Variants in SKOR1 observed in about 807,000 individuals in gnomAD.
SKOR1 encodes the protein SKI family transcriptional corepressor 1.
Under a neutral mutation model 72.4 loss-of-function variants are expected in SKOR1, and 38 were observed. That is an observed-to-expected ratio of 0.52 (90% CI 0.40 to 0.69). The LOEUF is 0.69. Among genes scored for constraint, SKOR1 ranks in the 30% least tolerant of loss-of-function variants. The probability of loss-of-function intolerance (pLI) is 0.00; values close to 1 mark genes in which losing one functional copy is unlikely to be tolerated. For missense variants in SKOR1, 1,320 were observed against 1,343.2 expected, an observed-to-expected ratio of 0.98 and a Z score of 0.27; for synonymous variants, 642 against 599.4, an observed-to-expected ratio of 1.07 and a Z score of -1.04.
rs374997595 is a variant in SKOR1, at chr15:67,826,997, C to T, written c.1169C>T (p.Pro390Leu). 79 of 1,595,886 alleles carry T rather than the reference C, an allele frequency of 5.0e-5. No homozygotes were observed. Among genetic ancestry groups the T allele is most frequent in the Non-Finnish European group, 6.5e-5 (77 of 1,178,678 alleles). Reference protein sequence around the residue: ...KGFGLLQKLPPPLFPHPYGFP... With the variant: ...KGFGLLQKLPLPLFPHPYGFP... The stretch of plus-strand genomic sequence containing the variant: ...TTTGGGCTCCTGCAAAAGCTGCCCC[C>T]ACCACTTTTCCCCCATCCTTACGGC... The change falls in exon 2 of 9, where the codon CCA (proline) becomes CTA (leucine). Residue 390 changes from proline (P) to leucine (L), a missense_variant. Coordinates refer to ENST00000380035, the MANE Select transcript of SKOR1 (RefSeq NM_001365915.1).
At position 67,827,804 on chromosome 15, in the gene SKOR1, C is replaced by G; in HGVS notation, c.1976C>G (p.Pro659Arg). 1 of 1,578,136 alleles carries G rather than the reference C, an allele frequency of 6.3e-7. No homozygotes were observed. The highest frequency in any genetic ancestry group is 1.2e-5 in the South Asian group (1 of 86,572). The change falls in exon 2 of 9, where the codon CCC (proline) becomes CGC (arginine). Residue 659 changes from proline to arginine, a missense_variant. Around this residue, in one of 3 missense-constraint regions of SKOR1, gnomAD observed 1,099 missense variants for 1,025.5 expected, o/e 1.07. Transcript: ENST00000380035. ...CCCGACGTGGACACCGCGGACGAGC[C>G]CGAGGTGGACGTGGAATCCAACCGC... ...ASPDVDTADE[P>R]EVDVESNRFP...
At chr15:67,829,527 C>T (rs968613951) in intron 3 of SKOR1, among the ~76,000 whole-genome samples, 1 of 152,266 alleles carries the variant, frequency 6.6e-6, no homozygotes, top group Non-Finnish European at 1.5e-5. Context: ...CGGCGTTAAA[C>T]CCTTAACAAA....
At position 67,833,597 on chromosome 15, in the gene SKOR1, C is replaced by T. The variant is rs894511477; in HGVS notation, c.2804-145C>T. ...TGGTTCTGAATCACCAGCTTTTGTC[C>T]TACCCTCCTGCCTCCTCCTGATCCG... is the stretch of plus-strand genomic sequence containing the variant. On this transcript the variant is annotated intron_variant, in intron 8 of 8. Transcript: ENST00000380035. This position sits in a 1 kb window ranked among gnomAD's most constrained non-coding sequence, Gnocchi z 6.0. 1.2e-5 allele frequency: 10 copies of T among 838,826 alleles called. No homozygotes were observed. In the Admixed American group the frequency reaches 1.5e-4, roughly 13 times the overall value. 52.0% of individuals were successfully genotyped at this position (838,826 alleles called of 1,614,324 possible). A position where few individuals can be genotyped will look rare whatever the true frequency, so the allele number is the denominator to read the frequency against.
At position 67,832,201 on chromosome 15, in the gene SKOR1, C is replaced by A; in HGVS notation, c.2588-73C>A. On this transcript the variant is annotated intron_variant, in intron 5 of 8. Transcript: ENST00000380035. The surrounding 1 kb of genome is among the most constrained non-coding windows in gnomAD (Gnocchi z 4.5). ...TCAACTCTCCTTTCAGGGTTGTTGG[C>A]CAAGGCAGAACCTGAGCTCCAAATA... The A allele has an allele frequency of 1.4e-6, 2 of 1,454,232 alleles. No homozygotes were observed. Among genetic ancestry groups the A allele is most frequent in the Non-Finnish European group, 9.6e-7 (1 of 1,039,076 alleles). 90.1% of individuals were successfully genotyped at this position (1,454,232 alleles called of 1,614,324 possible).
At position 67,830,288 on chromosome 15, in the gene SKOR1, TACAG is replaced by T; in HGVS notation, c.2511_2514del (p.Asp837GlufsTer57). ...GTATCTCCCAGCCAAGTCCTGCAAATACAGACAGAGGTGAGCCAGCCCTTGAACC... is the reference window on the plus strand; with the variant it reads ...GTATCTCCCAGCCAAGTCCTGCAAATACAGAGGTGAGCCAGCCCTTGAACC... On this transcript the variant is annotated frameshift_variant, in exon 4 of 9. Coordinates refer to ENST00000380035, the MANE Select transcript of SKOR1 (RefSeq NM_001365915.1). LOFTEE classifies it high-confidence loss of function. 1 of 1,614,022 alleles carries T rather than the reference TACAG, an allele frequency of 6.2e-7. No individual in the cohort carries two copies. The highest frequency in any genetic ancestry group is 8.5e-7 in the Non-Finnish European group (1 of 1,179,958).
In SKOR1 at chr15:67,832,163, C is replaced by T. The variant is rs2091013359; in HGVS notation, c.2588-111C>T. On this transcript the variant is annotated intron_variant, in intron 5 of 8. Coordinates refer to ENST00000380035, the MANE Select transcript of SKOR1 (RefSeq NM_001365915.1). The surrounding 1 kb of genome is among the most constrained non-coding windows in gnomAD (Gnocchi z 4.5). ...CCAGAGAGCGGAGGGCCTCCACCTACTGGTCATCCTTCTCAACTCTCCTTT... is the reference window on the plus strand; with the variant it reads ...CCAGAGAGCGGAGGGCCTCCACCTATTGGTCATCCTTCTCAACTCTCCTTT... The T allele has an allele frequency of 1.1e-6, 1 of 943,864 alleles. No individual in the cohort carries two copies. Among genetic ancestry groups the T allele is most frequent in the Non-Finnish European group, 1.7e-6 (1 of 592,436 alleles). 58.5% of individuals were successfully genotyped at this position (943,864 alleles called of 1,614,324 possible). A position where few individuals can be genotyped will look rare whatever the true frequency, so the allele number is the denominator to read the frequency against.
chr15:67,833,598 T>C lies in SKOR1; in HGVS notation c.2804-144T>C, dbSNP rs2141371115. 1.2e-6 allele frequency: 1 copy of C among 841,420 alleles called. No individual in the cohort carries two copies. The highest frequency in any genetic ancestry group is 2.0e-6 in the Non-Finnish European group (1 of 509,080). The allele number at this position is 841,420 out of a possible 1,614,324, so 52.1% of individuals were successfully genotyped here. A position where few individuals can be genotyped will look rare whatever the true frequency, so the allele number is the denominator to read the frequency against. ...GGTTCTGAATCACCAGCTTTTGTCC[T>C]ACCCTCCTGCCTCCTCCTGATCCGC... is the stretch of plus-strand genomic sequence containing the variant. On this transcript the variant is annotated intron_variant, in intron 8 of 8. Coordinates refer to ENST00000380035, the MANE Select transcript of SKOR1 (RefSeq NM_001365915.1). This position sits in a 1 kb window ranked among gnomAD's most constrained non-coding sequence, Gnocchi z 6.0.
chr15:67,833,179 C>T lies in SKOR1; in HGVS notation c.2738-13C>T, dbSNP rs965291399. On this transcript the variant is annotated splice_polypyrimidine_tract_variant and intron_variant, in intron 7 of 8. Transcript: ENST00000380035. This position sits in a 1 kb window ranked among gnomAD's most constrained non-coding sequence, Gnocchi z 6.0. ...TCTGCGTTTCCTCACTGGCCCCTCC[C>T]CTTGTCTTCCAGATACCCTGTGTAA... The T allele has an allele frequency of 1.2e-5, 19 of 1,613,942 alleles. No homozygotes were observed. The highest frequency in any genetic ancestry group is 1.5e-5 in the Non-Finnish European group (18 of 1,179,990).
rs1281265502 is a variant in SKOR1, at chr15:67,832,631, G to A, written c.2687G>A (p.Arg896Lys). 1.2e-6 allele frequency: 2 copies of A among 1,614,124 alleles called. No homozygotes were observed. Among genetic ancestry groups the A allele is most frequent in the South Asian group, 2.2e-5 (2 of 91,060 alleles). ...GATAATTTTCAGGATCAAATGAAGA[G>A]GGAATTGGCTTATCGAGAAGAAATG... ...LKDNFQDQMKRELAYREEMVQ... is the reference protein window; with the variant it reads ...LKDNFQDQMKKELAYREEMVQ... The change falls in exon 7 of 9, where the codon AGG becomes AAG. Residue 896 changes from arginine to lysine, a missense_variant. By Grantham distance (26) the Arg-to-Lys change is conservative. Around this residue, in one of 3 missense-constraint regions of SKOR1, gnomAD observed 1,099 missense variants for 1,025.5 expected, o/e 1.07. Coordinates refer to ENST00000380035, the MANE Select transcript of SKOR1 (RefSeq NM_001365915.1). This position sits in a 1 kb window ranked among gnomAD's most constrained non-coding sequence, Gnocchi z 4.5.
chr15:67,834,080 C>A lies in SKOR1; in HGVS notation c.*244C>A. On this transcript the variant is annotated 3_prime_UTR_variant, in exon 9 of 9. Transcript: ENST00000380035. This position sits in a 1 kb window ranked among gnomAD's most constrained non-coding sequence, Gnocchi z 5.8. The stretch of plus-strand genomic sequence containing the variant: ...CCTCGCGCCTCAAATCCCCCTACCC[C>A]GTGTGAACTCTAGGGCATCGGACCT... The A allele has an allele frequency of 1.8e-6, 1 of 560,816 alleles. No homozygotes were observed. Among genetic ancestry groups the A allele is most frequent in the South Asian group, 2.0e-5 (1 of 51,198 alleles). 34.7% of individuals were successfully genotyped at this position (560,816 alleles called of 1,614,324 possible).
rs2091012659 is a variant in SKOR1 at position 67,832,056 on chromosome 15, C to A, written c.2588-218C>A. Among the ~76,000 whole-genome samples the A allele has an allele frequency of 6.6e-6, 1 of 152,110 alleles. No individual in the cohort carries two copies. Among genetic ancestry groups the A allele is most frequent in the South Asian group, 2.1e-4 (1 of 4,828 alleles). On this transcript the variant is annotated intron_variant, in intron 5 of 8. Coordinates refer to ENST00000380035, the MANE Select transcript of SKOR1 (RefSeq NM_001365915.1). This position sits in a 1 kb window ranked among gnomAD's most constrained non-coding sequence, Gnocchi z 4.5. ...GTTCCTGGAGCCAGGGCCTAGATTC[C>A]ACCGTCCTGAATTTATTCTCCTGGG... is the stretch of plus-strand genomic sequence containing the variant.
chr15:67,830,835 T>C lies in SKOR1; in HGVS notation c.2533T>C (p.Leu845=), dbSNP rs759845746. 5 of 1,614,146 alleles carry C rather than the reference T, an allele frequency of 3.1e-6. No homozygotes were observed. The highest frequency in any genetic ancestry group is 4.2e-6 in the Non-Finnish European group (5 of 1,180,020). ...TATCCCAGGCGAAGATGGGCTTACCTTGGATGTCACAGGAACTCATTTGGT... is the reference window on the plus strand; with the variant it reads ...TATCCCAGGCGAAGATGGGCTTACCCTGGATGTCACAGGAACTCATTTGGT... ...NTDRGEDGLT[L]DVTGTHLVEK... is the part of the protein sequence containing the mutation. The change falls in exon 5 of 9, where the codon TTG becomes CTG. Residue 845 remains leucine, a synonymous_variant. Transcript: ENST00000380035.
chr15:67,828,610 ACCACC>A (rs1566976459), intron 2 of SKOR1, among the ~76,000 whole-genome samples: 1 of 151,910 alleles, frequency 6.6e-6, no homozygotes. Context: ...GGAATCTCCC[ACCACC>A]CCAACTCGCA....
intron 2 of SKOR1, 34 bp from the exon 3 acceptor site, chr15:67,829,145 A>T (rs7183168): frequency 6.6e-7 from 1 of 1,507,514 alleles, no homozygotes; most frequent in Admixed American, 2.1e-5. Context: ...GCAGGGCGCC[A>T]CCCTAATCGC....
In SKOR1 at chr15:67,825,539, G is replaced by A. The variant is rs904157620; in HGVS notation, c.-64G>A. On this transcript the variant is annotated 5_prime_UTR_variant, in exon 1 of 9. Transcript: ENST00000380035. The surrounding 1 kb of genome is among the most constrained non-coding windows in gnomAD (Gnocchi z 5.6). Reference sequence around the variant, plus strand: ...CCGGGCTTCAGGACCCGGGCCGGCAGCACCGGCTGCGAGGGTTGCCGAAGG... The same window carrying A: ...CCGGGCTTCAGGACCCGGGCCGGCAACACCGGCTGCGAGGGTTGCCGAAGG... 4.9e-5 allele frequency: 33 copies of A among 670,196 alleles called. No homozygotes were observed. In the East Asian group the frequency reaches 5.7e-4, roughly 12 times the overall value. The allele number at this position is 670,196 out of a possible 1,614,324, so 41.5% of individuals were successfully genotyped here. A position where few individuals can be genotyped will look rare whatever the true frequency, so the allele number is the denominator to read the frequency against.
At position 67,827,532 on chromosome 15, in the gene SKOR1, C is replaced by A. The variant is rs1223864277; in HGVS notation, c.1704C>A (p.Asp568Glu). The part of the protein sequence containing the change: ...SRGPLDEDGT[D>E]EALPPPLAPL... Reference sequence around the variant, plus strand: ...GGCCCCTGGACGAAGACGGCACGGACGAGGCGCTGCCACCGCCCCTGGCCC... The same window carrying A: ...GGCCCCTGGACGAAGACGGCACGGAAGAGGCGCTGCCACCGCCCCTGGCCC... The change falls in exon 2 of 9, where the codon GAC (aspartate) becomes GAA (glutamate). Residue 568 changes from aspartate (D) to glutamate (E), a missense_variant. Physicochemically the swap from Asp to Glu is conservative, Grantham distance 45 (BLOSUM62 2). Around this residue, in one of 3 missense-constraint regions of SKOR1, gnomAD observed 1,099 missense variants for 1,025.5 expected, o/e 1.07. Transcript: ENST00000380035. 12 of 1,521,752 alleles carry A rather than the reference C, an allele frequency of 7.9e-6. No individual in the cohort carries two copies. The South Asian group carries it at 8.5e-5, about 11-fold the overall frequency. 94.3% of individuals were successfully genotyped at this position (1,521,752 alleles called of 1,614,324 possible). A position where few individuals can be genotyped will look rare whatever the true frequency, so the allele number is the denominator to read the frequency against.
chr15:67,829,228 TG>T lies in SKOR1; in HGVS notation c.2370del (p.Ala792ArgfsTer103). On this transcript the variant is annotated frameshift_variant, in exon 3 of 9. Transcript: ENST00000380035. LOFTEE classifies it high-confidence loss of function. Reference sequence around the variant, plus strand: ...CACGTGAAGAGCGCGGCGGTGGCGCTGGGGCCCGCGGCCTCCTACGTCTGCA... The same window carrying T: ...CACGTGAAGAGCGCGGCGGTGGCGCTGGGCCCGCGGCCTCCTACGTCTGCA... ...DEHVKSAAVA[L>X]GPAASYVCTP... is the part of the protein sequence containing the mutation. 6.4e-7 allele frequency: 1 copy of T among 1,573,790 alleles called. No homozygotes were observed.
rs1167224821 is a variant in SKOR1, at chr15:67,827,666, G to A, written c.1838G>A (p.Arg613Gln). 1.3e-6 allele frequency: 2 copies of A among 1,533,080 alleles called. No individual in the cohort carries two copies. The highest frequency in any genetic ancestry group is 4.0e-5 in the Admixed American group (2 of 49,854). The allele number at this position is 1,533,080 out of a possible 1,614,324, so 95.0% of individuals were successfully genotyped here. ...ATCGCTAAGCTCTACGGGAGCGCCC[G>A]GGAGGCGTACGGCGCGGGGCCTGCT... is the stretch of plus-strand genomic sequence containing the variant. ...ESIAKLYGSA[R>Q]EAYGAGPARG... The change falls in exon 2 of 9, where the codon CGG becomes CAG. Residue 613 changes from arginine to glutamine, a missense_variant. By Grantham distance (43) the Arg-to-Gln change is conservative (BLOSUM62 1). This residue lies in a region of SKOR1 where 1,099 missense variants were observed against 1,025.5 expected (regional missense o/e 1.07). Coordinates refer to ENST00000380035, the MANE Select transcript of SKOR1 (RefSeq NM_001365915.1).
rs774670794 is a variant in SKOR1 at position 67,827,247 on chromosome 15, G to A, written c.1419G>A (p.Ala473=). The part of the protein sequence containing the change: ...HQPSGAAKDA[A]AVAAAAAAAT... Reference sequence around the variant, plus strand: ...CCTCCGGGGCAGCCAAGGACGCAGCGGCAGTGGCTGCAGCGGCCGCCGCCG... The same window carrying A: ...CCTCCGGGGCAGCCAAGGACGCAGCAGCAGTGGCTGCAGCGGCCGCCGCCG... Residue 473 remains alanine, a synonymous_variant, in exon 2 of 9, where the codon GCG becomes GCA. Coordinates refer to ENST00000380035, the MANE Select transcript of SKOR1 (RefSeq NM_001365915.1). 9 of 1,575,168 alleles carry A rather than the reference G, an allele frequency of 5.7e-6. No homozygotes were observed. In the African/African-American group the frequency reaches 1.1e-4, roughly 19 times the overall value.
Sources: allele counts gnomAD v4.1 joint callset (sites outside exome capture counted in the v4.1 genomes callset), GRCh38; gene constraint gnomAD v4.1.1; regional missense constraint gnomAD v4.1.1; non-coding constraint Gnocchi (gnomAD v3.1); transcripts MANE v1.5; gene names NCBI Gene and HGNC (gene_info 2026-07-23, HGNC 2026-07-21).